The following TTC7B variants were observed in gnomAD, a reference collection of about 807,000 sequenced individuals.
The protein encoded by TTC7B is tetratricopeptide repeat domain 7B, also known as tetratricopeptide repeat protein 7B.
A neutral mutation model predicts 106.8 loss-of-function variants in TTC7B; 28 were observed. That is an observed-to-expected ratio of 0.26 (90% CI 0.19 to 0.36). The LOEUF is 0.36. Ranked by LOEUF, TTC7B falls within the 10% of genes least tolerant of loss-of-function variation. TTC7B has a pLI of 1.00. For missense variants in TTC7B, 862 were observed against 1,076.4 expected (o/e 0.80, Z 2.79); for synonymous variants, 405 against 430.6 (o/e 0.94, Z 0.74).
chr14:90,610,252 C>G (rs536822272), intron 17 of TTC7B, among the ~76,000 whole-genome samples: 2 of 152,234 alleles, frequency 1.3e-5, no homozygotes, highest in African/African-American at 4.8e-5. Flanking sequence ...ACACACACGA[C>G]GAGGTGTGCA....
intron 19 of TTC7B, among the ~76,000 whole-genome samples, chr14:90,563,211 T>C (rs1285201409): frequency 1.3e-5 from 2 of 152,138 alleles, no homozygotes; most frequent in East Asian, 3.8e-4. Context: ...AACTGGTGAC[T>C]GAGTAAACGT....
At chr14:90,665,933 ACCT>A (rs1418814815) in intron 9 of TTC7B, among the ~76,000 whole-genome samples, 6 of 152,156 alleles carry the variant, frequency 3.9e-5, no homozygotes, top group Non-Finnish European at 5.9e-5. Flanking sequence ...AGCAATAAAA[ACCT>A]CTGTAAGCTA....
intron 3 of TTC7B, among the ~76,000 whole-genome samples, chr14:90,756,582 A>G (rs1025004035): frequency 6.6e-6 from 1 of 151,534 alleles, no homozygotes; most frequent in Non-Finnish European, 1.5e-5. Context: ...TTTAGTAGAA[A>G]CGGGGTTTCA....
chr14:90,635,842 G>A (rs913948792), intron 15 of TTC7B, among the ~76,000 whole-genome samples: 19 of 151,322 alleles, frequency 1.3e-4, no homozygotes, highest in African/African-American at 3.6e-4. Flanking sequence ...AAAAGTGGCC[G>A]AGTGCGGTGG....
chr14:90,780,425 AAGAAAG>A (rs1259064893), intron 3 of TTC7B, among the ~76,000 whole-genome samples: 61 of 148,692 alleles, frequency 4.1e-4, no homozygotes, highest in African/African-American at 1.5e-3. Context: ...GAAAGAAAGA[AAGAAAG>A]AGAGAGAGAG....
intron 5 of TTC7B, chr14:90,698,534 G>A (rs1430450936): frequency 1.3e-5 from 2 of 152,192 alleles, no homozygotes; most frequent in African/African-American, 4.8e-5. Context: ...ACCCTTGCCT[G>A]AGAGAGTGCA....
intron 5 of TTC7B, among the ~76,000 whole-genome samples, chr14:90,701,748 C>G (rs1045825510): frequency 6.9e-6 from 1 of 145,496 alleles, no homozygotes; most frequent in East Asian, 2.0e-4. Context: ...CCATATATAT[C>G]TGTGTGTGTG....
At position 90,578,168 on chromosome 14, in the gene TTC7B, G is replaced by T. The variant is rs367947343; in HGVS notation, c.2248C>A (p.Arg750=). The change falls in exon 19 of 20, where the codon CGG becomes AGG. Residue 750 remains arginine (R), a synonymous_variant. Coordinates refer to ENST00000328459, the MANE Select transcript of TTC7B (RefSeq NM_001010854.2). This position sits in a 1 kb window ranked among gnomAD's most constrained non-coding sequence, Gnocchi z 4.7. ...AELRGSMDEA[R]RWYEEALAIS... ...GCTAAGGCCTCTTCATACCACCGCC[G>T]CGCCTCGTCCATGCTTCCCCGGAGC... is the stretch of plus-strand genomic sequence containing the variant. The T allele has an allele frequency of 6.2e-7, 1 of 1,613,616 alleles. No individual in the cohort carries two copies. Among genetic ancestry groups the T allele is most frequent in the South Asian group, 1.1e-5 (1 of 90,872 alleles).
At chr14:90,582,355 G>A (rs1335700708) in intron 18 of TTC7B, among the ~76,000 whole-genome samples, 3 of 152,212 alleles carry the variant, frequency 2.0e-5, no homozygotes, top group Admixed American at 2.0e-4. Context: ...ACCTTCTCTG[G>A]GCCTGTCCAC....
intron 9 of TTC7B, among the ~76,000 whole-genome samples, chr14:90,661,967 T>C (rs967278835): frequency 6.6e-6 from 1 of 152,216 alleles, no homozygotes; most frequent in Non-Finnish European, 1.5e-5. Context: ...GGTATAGAAC[T>C]GCATTCCAGG....
At chr14:90,636,456 G>A (rs867994859) in intron 15 of TTC7B, among the ~76,000 whole-genome samples, 2 of 138,064 alleles carry the variant, frequency 1.4e-5, no homozygotes, top group Non-Finnish European at 1.5e-5. Flanking sequence ...AAGCCAATCC[G>A]CCATCCCAGT....
chr14:90,800,008 AT>A (rs2030154453), intron 1 of TTC7B, among the ~76,000 whole-genome samples: 1 of 151,818 alleles, frequency 6.6e-6, no homozygotes, highest in Admixed American at 6.6e-5. Flanking sequence ...AATTTTTGGT[AT>A]TTTTAGTAGA....
At chr14:90,716,679 G>T (rs1461533328) in intron 5 of TTC7B, among the ~76,000 whole-genome samples, 3 of 152,178 alleles carry the variant, frequency 2.0e-5, no homozygotes, top group Non-Finnish European at 4.4e-5. Flanking sequence ...AAAAAGATCT[G>T]TAATTCAGGT....
intron 5 of TTC7B, among the ~76,000 whole-genome samples, chr14:90,708,710 T>C (rs1023144524): frequency 5.3e-5 from 8 of 152,238 alleles, no homozygotes; most frequent in African/African-American, 1.9e-4. Context: ...ATCCATTCTG[T>C]AGCCCAAGGG....
At chr14:90,710,193 A>T (rs1209931000) in intron 5 of TTC7B, among the ~76,000 whole-genome samples, 1 of 152,258 alleles carries the variant, frequency 6.6e-6, no homozygotes, top group South Asian at 2.1e-4. Context: ...GCTCTCATGA[A>T]TGACTTTGAG....
intron 1 of TTC7B, among the ~76,000 whole-genome samples, chr14:90,794,242 C>T (rs1402837088): frequency 2.6e-5 from 3 of 116,726 alleles, no homozygotes; most frequent in Non-Finnish European, 4.9e-5. Context: ...TTTTTTGAGA[C>T]GGAGTCTCGC....
rs578185772 is a variant in TTC7B at position 90,608,025 on chromosome 14, G to C, written c.1966+2717C>G. ...TTTTTAGCTTTTGAATTATGTAAATGTATTTCCTCTTCAAATCAAATCAAG... is the reference window on the plus strand; with the variant it reads ...TTTTTAGCTTTTGAATTATGTAAATCTATTTCCTCTTCAAATCAAATCAAG... On this transcript the variant is annotated intron_variant, in intron 17 of 19. Coordinates refer to ENST00000328459, the MANE Select transcript of TTC7B (RefSeq NM_001010854.2). The surrounding 1 kb of genome is among the most constrained non-coding windows in gnomAD (Gnocchi z 5.1). 1.3e-5 allele frequency among the ~76,000 whole-genome samples: 2 copies of C among 152,208 alleles called. No homozygotes were observed. The highest frequency in any genetic ancestry group is 4.8e-5 in the African/African-American group (2 of 41,536).
chr14:90,677,883 T>A (rs761473999), intron 8 of TTC7B: 9 of 441,490 alleles, frequency 2.0e-5, no homozygotes, highest in South Asian at 1.5e-4. Flanking sequence ...ACAGGCCACT[T>A]CCTACAAAGT....
At chr14:90,714,941 C>G (rs999717260) in intron 5 of TTC7B, among the ~76,000 whole-genome samples, 4 of 152,078 alleles carry the variant, frequency 2.6e-5, no homozygotes, top group Admixed American at 6.6e-5. Context: ...ACTTCTTGAT[C>G]AATTTTCACT....
Sources: allele counts gnomAD v4.1 joint callset (sites outside exome capture counted in the v4.1 genomes callset), GRCh38; gene constraint gnomAD v4.1.1; non-coding constraint Gnocchi (gnomAD v3.1); transcripts MANE v1.5; gene names NCBI Gene and HGNC (gene_info 2026-07-23, HGNC 2026-07-21).